Variants in FAM3D observed in about 807,000 individuals in gnomAD.
FAM3D encodes the protein FAM3 metabolism regulating signaling molecule D, also known as protein FAM3D.
FAM3D carries 26 observed loss-of-function variants against 29.8 expected under a neutral mutation model. The ratio of observed to expected loss-of-function variants is 0.87; its 90% CI spans 0.64 to 1.21. The LOEUF is 1.21. Among genes scored for constraint, FAM3D ranks in the 50% most tolerant of loss-of-function variants. The probability of loss-of-function intolerance (pLI) is 0.00; values close to 1 mark genes in which losing one functional copy is unlikely to be tolerated. For missense variants in FAM3D, 253 were observed against 290.9 expected (o/e 0.87, Z 0.95); for synonymous variants, 115 against 102.3 (o/e 1.12, Z -0.75).
chr3:58,637,021 T>C (rs1033674145), intron 8 of FAM3D, 120 bp downstream of exon 8: 4 of 802,080 alleles, frequency 5.0e-6, no homozygotes, highest in Non-Finnish European at 8.2e-6. Context: ...TGTCTGATAA[T>C]TTCCTCGAGA....
At chr3:58,662,143 G>A (rs1445481300) in intron 1 of FAM3D, among the ~76,000 whole-genome samples, 1 of 125,828 alleles carries the variant, frequency 7.9e-6, no homozygotes. Flanking sequence ...TCAGGGTGGG[G>A]CTGGGTGGAG....
At chr3:58,640,918 C>G (rs1482390575) in intron 6 of FAM3D, among the ~76,000 whole-genome samples, 1 of 152,238 alleles carries the variant, frequency 6.6e-6, no homozygotes, top group Non-Finnish European at 1.5e-5. Context: ...CTCCAGGATT[C>G]TCGGGAGCCA....
intron 1 of FAM3D, among the ~76,000 whole-genome samples, chr3:58,660,709 G>A (rs746060109): frequency 6.6e-6 from 1 of 152,128 alleles, no homozygotes; most frequent in Non-Finnish European, 1.5e-5. Context: ...AAGAAGACAC[G>A]AAAATGTGCA....
chr3:58,653,379 TC>T (rs1352257582), intron 3 of FAM3D, among the ~76,000 whole-genome samples: 1 of 152,228 alleles, frequency 6.6e-6, no homozygotes, highest in Non-Finnish European at 1.5e-5. Context: ...TTCCTTCTGT[TC>T]TTCCTCCCTC....
chr3:58,660,743 C>T (rs978084261), intron 1 of FAM3D, among the ~76,000 whole-genome samples: 1 of 152,276 alleles, frequency 6.6e-6, no homozygotes, highest in Admixed American at 6.5e-5. Flanking sequence ...TTTTACTCCT[C>T]AAGTTCCTAG....
intron 1 of FAM3D, among the ~76,000 whole-genome samples, chr3:58,666,162 G>A (rs2067026408): frequency 6.6e-6 from 1 of 152,150 alleles, no homozygotes; most frequent in Non-Finnish European, 1.5e-5. Context: ...TGAATCAATA[G>A]ATGAGTGAAT....
At chr3:58,645,715 C>A (rs143089006) in intron 4 of FAM3D, 89 bp from the exon 5 acceptor site, 4 of 1,109,120 alleles carry the variant, frequency 3.6e-6, no homozygotes, top group East Asian at 4.7e-5. Context: ...AGGGCCAGGG[C>A]GCAGCTTGGG....
intron 6 of FAM3D, among the ~76,000 whole-genome samples, chr3:58,642,130 C>T (rs1332373844): frequency 6.6e-6 from 1 of 152,158 alleles, no homozygotes; most frequent in Non-Finnish European, 1.5e-5. Context: ...TGGAGTGGAA[C>T]AGGCCTGGGC....
intron 7 of FAM3D, among the ~76,000 whole-genome samples, chr3:58,639,321 T>G (rs1048534454): frequency 1.3e-5 from 2 of 152,188 alleles, no homozygotes; most frequent in African/African-American, 4.8e-5. Flanking sequence ...ATCAATTTTA[T>G]GGAGTGGAAA....
At chr3:58,659,150 C>T (rs534633523) in intron 1 of FAM3D, among the ~76,000 whole-genome samples, 154 of 152,292 alleles carry the variant, frequency 1.0e-3, no homozygotes, top group Non-Finnish European at 1.7e-3. Flanking sequence ...GGCAGTGAGG[C>T]CACCTGTCTG....
intron 2 of FAM3D, 116 bp downstream of exon 2, chr3:58,655,435 C>T: frequency 7.3e-7 from 1 of 1,377,486 alleles, no homozygotes; most frequent in Non-Finnish European, 1.0e-6. Flanking sequence ...GGATTGCTTT[C>T]CTCCTGGAAT....
intron 4 of FAM3D, 72 bp from the exon 5 acceptor site, chr3:58,645,698 C>T: frequency 1.6e-6 from 2 of 1,255,334 alleles, no homozygotes; most frequent in Admixed American, 3.5e-5. Context: ...AGGGGAGGGC[C>T]AGGGCTAGGG....
At chr3:58,641,301 TGACTC>T (rs1392455144) in intron 6 of FAM3D, among the ~76,000 whole-genome samples, 3 of 152,118 alleles carry the variant, frequency 2.0e-5, no homozygotes, top group African/African-American at 7.2e-5. Context: ...GACCTGCAGT[TGACTC>T]GATCCAGGTT....
intron 4 of FAM3D, among the ~76,000 whole-genome samples, chr3:58,647,737 C>T (rs758782685): frequency 1.4e-4 from 22 of 152,308 alleles, no homozygotes; most frequent in Non-Finnish European, 2.9e-4. Context: ...TAGAAGGCTG[C>T]TCCCATCAGC....
chr3:58,658,420 C>T (rs779381440), intron 1 of FAM3D, among the ~76,000 whole-genome samples: 7 of 152,168 alleles, frequency 4.6e-5, no homozygotes, highest in Non-Finnish European at 1.0e-4. Flanking sequence ...CTGAGCATCC[C>T]TGGGAAGATT....
At chr3:58,642,789 T>TC in intron 6 of FAM3D, among the ~76,000 whole-genome samples, 1 of 152,220 alleles carries the variant, frequency 6.6e-6, no homozygotes, top group Admixed American at 6.5e-5. Flanking sequence ...GCCTGGCCCC[T>TC]CACACACTGC....
chr3:58,644,858 T>C (rs978664648), intron 5 of FAM3D, among the ~76,000 whole-genome samples: 20 of 152,238 alleles, frequency 1.3e-4, no homozygotes, highest in South Asian at 2.1e-4. Context: ...TTTGAATCCC[T>C]GGATCCAGGT....
At chr3:58,645,689 G>C (rs2066458730) in intron 4 of FAM3D, 63 bp from the exon 5 acceptor site, 1 of 1,429,230 alleles carries the variant, frequency 7.0e-7, no homozygotes, top group Non-Finnish European at 9.9e-7. Context: ...GGGAGAAGGA[G>C]GGGAGGGCCA....
intron 1 of FAM3D, among the ~76,000 whole-genome samples, chr3:58,661,842 G>A (rs1257923854): frequency 6.6e-6 from 1 of 152,236 alleles, no homozygotes; most frequent in Admixed American, 6.5e-5. Flanking sequence ...CCTTGGAGAT[G>A]CTCCTCGCAC....
Sources: allele counts gnomAD v4.1 joint callset (sites outside exome capture counted in the v4.1 genomes callset), GRCh38; gene constraint gnomAD v4.1.1; transcripts MANE v1.5; gene names NCBI Gene and HGNC (gene_info 2026-07-23, HGNC 2026-07-21).